SCD5: variants seen among roughly 807,000 people sequenced by gnomAD.
The protein encoded by SCD5 is acyl-CoA-desaturase 4.
SCD5 carries 20 observed loss-of-function variants against 30.4 expected under a neutral mutation model. The ratio of observed to expected loss-of-function variants is 0.66; its 90% confidence interval spans 0.46 to 0.96. The LOEUF (loss-of-function observed/expected upper bound fraction) is 0.96. Among genes scored for constraint, SCD5 ranks in the 40% least tolerant of loss-of-function variants. The probability of loss-of-function intolerance (pLI) is 0.00; values close to 1 mark genes in which losing one functional copy is unlikely to be tolerated. For missense variants in SCD5, 381 were observed against 443.3 expected, an observed-to-expected ratio of 0.86 and a Z score of 1.26; for synonymous variants, 173 against 176.4, an observed-to-expected ratio of 0.98 and a Z score of 0.16.
chr4:82,713,011 A>T (rs1720143564), intron 1 of SCD5, among the ~76,000 whole-genome samples: 1 of 152,162 alleles, frequency 6.6e-6, no homozygotes, highest in South Asian at 2.1e-4. Context: ...AACCTTCTAA[A>T]TTCTATTATA....
intron 1 of SCD5, among the ~76,000 whole-genome samples, chr4:82,708,077 T>C (rs368893885): frequency 1.3e-5 from 2 of 152,202 alleles, no homozygotes; most frequent in South Asian, 4.1e-4. Flanking sequence ...TGGTGTTGCA[T>C]GGGGTAGGGG....
intron 3 of SCD5, among the ~76,000 whole-genome samples, chr4:82,640,441 C>T (rs1371655225): frequency 6.6e-6 from 1 of 152,200 alleles, no homozygotes; most frequent in African/African-American, 2.4e-5. Flanking sequence ...AGATCTACTT[C>T]TGGGGTTATT....
chr4:82,794,893 A>T (rs548072751), intron 1 of SCD5, among the ~76,000 whole-genome samples: 7 of 152,112 alleles, frequency 4.6e-5, no homozygotes, highest in Non-Finnish European at 1.0e-4. Context: ...CCTTGTGATC[A>T]GCCCGCCTCG....
At chr4:82,657,011 G>T (rs1358731304) in intron 3 of SCD5, among the ~76,000 whole-genome samples, 2 of 152,124 alleles carry the variant, frequency 1.3e-5, no homozygotes, top group Non-Finnish European at 2.9e-5. Context: ...TTGGTCAGAT[G>T]AATAGATTGC....
intron 1 of SCD5, among the ~76,000 whole-genome samples, chr4:82,757,611 G>A (rs1016144214): frequency 3.9e-5 from 6 of 152,232 alleles, no homozygotes; most frequent in African/African-American, 1.2e-4. Flanking sequence ...GGGTGAGGTG[G>A]TTAAGGACTC....
chr4:82,634,582 C>T (rs1727384988), intron 4 of SCD5, among the ~76,000 whole-genome samples: 1 of 152,164 alleles, frequency 6.6e-6, no homozygotes, highest in Non-Finnish European at 1.5e-5. Flanking sequence ...TGATGTACTC[C>T]CCACTCTACT....
At chr4:82,651,775 T>C (rs1284531586) in intron 3 of SCD5, among the ~76,000 whole-genome samples, 1 of 152,036 alleles carries the variant, frequency 6.6e-6, no homozygotes, top group Admixed American at 6.6e-5. Context: ...CAGCCAGGTG[T>C]GGTGGCACAA....
Position 82,631,213 on chromosome 4 carries a change from C to G in SCD5, c.*114G>C. On this transcript the variant is annotated 3_prime_UTR_variant, in exon 5 of 5. Transcript: ENST00000319540. Reference sequence around the variant, plus strand: ...AAAACATTCCCAAACCACATTGACTCGTTCCTTCCCCACCCTCTGCCCCCT... The same window carrying G: ...AAAACATTCCCAAACCACATTGACTGGTTCCTTCCCCACCCTCTGCCCCCT... 1 of 769,016 alleles carries G rather than the reference C, an allele frequency of 1.3e-6. No individual in the cohort carries two copies. The highest frequency in any genetic ancestry group is 2.0e-6 in the Non-Finnish European group (1 of 508,662). 47.6% of individuals were successfully genotyped at this position (769,016 alleles called of 1,614,324 possible). A position where few individuals can be genotyped will look rare whatever the true frequency, so the allele number is the denominator to read the frequency against.
intron 1 of SCD5, among the ~76,000 whole-genome samples, chr4:82,752,702 C>A (rs959365252): frequency 6.6e-6 from 1 of 152,140 alleles, no homozygotes; most frequent in Non-Finnish European, 1.5e-5. Flanking sequence ...GGAATCCTCG[C>A]CCTGTGAGCA....
At chr4:82,638,686 C>T (rs1727481144) in intron 3 of SCD5, among the ~76,000 whole-genome samples, 1 of 152,118 alleles carries the variant, frequency 6.6e-6, no homozygotes, top group Non-Finnish European at 1.5e-5. Context: ...CTGTTACATC[C>T]GTGCCAGCAG....
chr4:82,663,992 T>C (rs113831673), intron 3 of SCD5, among the ~76,000 whole-genome samples: 3,597 of 152,262 alleles, frequency 0.024, 64 homozygotes, highest in South Asian at 0.091. Context: ...AGACTGATAC[T>C]GGACCAGAAC....
intron 3 of SCD5, among the ~76,000 whole-genome samples, chr4:82,639,701 T>A (rs1250757732): frequency 6.6e-6 from 1 of 152,194 alleles, no homozygotes; most frequent in Non-Finnish European, 1.5e-5. Flanking sequence ...GGAGGGAACA[T>A]GGAAGAGGCA....
chr4:82,712,797 C>T (rs1005071869), intron 1 of SCD5, among the ~76,000 whole-genome samples: 2 of 152,164 alleles, frequency 1.3e-5, no homozygotes, highest in African/African-American at 2.4e-5. Context: ...AGGACCTCTA[C>T]GGCTACTTAT....
chr4:82,703,940 T>G (rs868034666), intron 2 of SCD5, among the ~76,000 whole-genome samples: 4 of 152,204 alleles, frequency 2.6e-5, no homozygotes, highest in South Asian at 2.1e-4. Flanking sequence ...TAGTTCACAC[T>G]GCCAGTGGTG....
At chr4:82,665,753 A>G (rs993852344) in intron 3 of SCD5, among the ~76,000 whole-genome samples, 2 of 152,178 alleles carry the variant, frequency 1.3e-5, no homozygotes, top group East Asian at 3.8e-4. Flanking sequence ...ACATACAAAA[A>G]TAAAGAAGCT....
intron 1 of SCD5, among the ~76,000 whole-genome samples, chr4:82,774,180 T>A (rs1721689528): frequency 6.6e-6 from 1 of 150,514 alleles, no homozygotes; most frequent in Non-Finnish European, 1.5e-5. Context: ...TGCATGAGGA[T>A]GAAGCTACAA....
At chr4:82,660,672 C>A in intron 3 of SCD5, 1 of 1,409,290 alleles carries the variant, frequency 7.1e-7, no homozygotes, top group East Asian at 2.6e-5. Flanking sequence ...AAACTGAAAT[C>A]TTTTTGATTT....
intron 3 of SCD5, among the ~76,000 whole-genome samples, chr4:82,637,296 G>C (rs1334364974): frequency 6.6e-6 from 1 of 152,192 alleles, no homozygotes. Flanking sequence ...TTGGTAAAAA[G>C]GTAGACAATC....
intron 1 of SCD5, among the ~76,000 whole-genome samples, chr4:82,791,967 G>A (rs941640630): frequency 2.6e-5 from 4 of 152,152 alleles, no homozygotes; most frequent in Non-Finnish European, 5.9e-5. Flanking sequence ...GGATTTAAAA[G>A]CTGTGCCTGG....
Sources: allele counts gnomAD v4.1 joint callset (sites outside exome capture counted in the v4.1 genomes callset), GRCh38; gene constraint gnomAD v4.1.1; transcripts MANE v1.5; gene names NCBI Gene and HGNC (gene_info 2026-07-23, HGNC 2026-07-21).